CACNA2D3: variants seen among roughly 807,000 people sequenced by gnomAD.
The protein encoded by CACNA2D3 is calcium voltage-gated channel auxiliary subunit alpha2delta 3.
Under a neutral mutation model 160.6 loss-of-function variants are expected in CACNA2D3, and 60 were observed. The observed-to-expected ratio is 0.37, with a 90% confidence interval of 0.30 to 0.46. The LOEUF is 0.46. Among genes scored for constraint, CACNA2D3 ranks in the 20% least tolerant of loss-of-function variants. CACNA2D3 has a pLI of 1.00. For synonymous variants in CACNA2D3, 558 were observed against 492.9 expected, an observed-to-expected ratio of 1.13 and a Z score of -1.75; for missense variants, 1,205 against 1,365.0, an observed-to-expected ratio of 0.88 and a Z score of 1.85.
chr3:54,138,099 A>G (rs1699852387), intron 2 of CACNA2D3, among the ~76,000 whole-genome samples: 1 of 152,198 alleles, frequency 6.6e-6, no homozygotes, highest in Non-Finnish European at 1.5e-5. Flanking sequence ...TTTCCAGAGG[A>G]AGACATGAGT....
At position 54,375,285 on chromosome 3, in the gene CACNA2D3, C is replaced by T. The variant is rs141097913; in HGVS notation, c.322-11430C>T. ...TGGACTCTAATGTCCTTGAAGACAA[C>T]AGCTGTGTCTTATAAACCTTATATT... is the stretch of plus-strand genomic sequence containing the variant. On this transcript the variant is annotated intron_variant, in intron 3 of 37. Transcript: ENST00000474759. Among the ~76,000 whole-genome samples the T allele has an allele frequency of 2.5e-3, 387 of 152,322 alleles. 4 individuals carry two copies. The highest frequency in any genetic ancestry group is 8.5e-3 in the African/African-American group (352 of 41,556).
chr3:54,538,108 A>G (rs755792547), intron 5 of CACNA2D3, among the ~76,000 whole-genome samples: 3 of 152,104 alleles, frequency 2.0e-5, no homozygotes, highest in Non-Finnish European at 4.4e-5. Context: ...ACCTGCTGAG[A>G]ACCAGCTTCA....
At chr3:55,042,360 C>T (rs1308637268) in intron 35 of CACNA2D3, among the ~76,000 whole-genome samples, 1 of 151,984 alleles carries the variant, frequency 6.6e-6, no homozygotes, top group Admixed American at 6.6e-5. Flanking sequence ...ATTTTTATGT[C>T]TTCTTGGTTA....
At chr3:54,456,496 C>T (rs1039395184) in intron 4 of CACNA2D3, among the ~76,000 whole-genome samples, 4 of 151,694 alleles carry the variant, frequency 2.6e-5, no homozygotes, top group African/African-American at 7.3e-5. Context: ...TATATAAGAT[C>T]ATCTGCAAAC....
chr3:54,480,231 C>T (rs1193191392), intron 4 of CACNA2D3, among the ~76,000 whole-genome samples: 1 of 152,144 alleles, frequency 6.6e-6, no homozygotes, highest in Non-Finnish European at 1.5e-5. Flanking sequence ...AGGTGTGCTA[C>T]AGGTGTTCCT....
intron 14 of CACNA2D3, among the ~76,000 whole-genome samples, chr3:54,823,399 G>C (rs1195787662): frequency 6.6e-6 from 1 of 150,992 alleles, no homozygotes; most frequent in Non-Finnish European, 1.5e-5. Context: ...TTTTTTTTTA[G>C]CTTTTACACT....
intron 9 of CACNA2D3, among the ~76,000 whole-genome samples, chr3:54,607,913 A>C (rs1698669199): frequency 6.6e-6 from 1 of 152,218 alleles, no homozygotes; most frequent in African/African-American, 2.4e-5. Flanking sequence ...CAGTCTCAAA[A>C]AGTTACATAC....
chr3:54,491,350 C>T (rs576491988), intron 4 of CACNA2D3, among the ~76,000 whole-genome samples: 5 of 152,212 alleles, frequency 3.3e-5, no homozygotes, highest in Non-Finnish European at 5.9e-5. Context: ...AGGAAACAAG[C>T]CCTTTGCGGT....
At chr3:54,505,645 A>G (rs1032515873) in intron 5 of CACNA2D3, among the ~76,000 whole-genome samples, 4 of 152,220 alleles carry the variant, frequency 2.6e-5, no homozygotes, top group African/African-American at 4.8e-5. Context: ...TTGGCATTCA[A>G]TATATTCCCA....
chr3:54,661,012 G>A (rs763032669), intron 11 of CACNA2D3, among the ~76,000 whole-genome samples: 6 of 152,204 alleles, frequency 3.9e-5, no homozygotes, highest in Non-Finnish European at 5.9e-5. Context: ...GAATCCTGCT[G>A]CCTGCCGCTT....
chr3:54,480,044 C>G (rs1421148680), intron 4 of CACNA2D3, among the ~76,000 whole-genome samples: 1 of 152,098 alleles, frequency 6.6e-6, no homozygotes, highest in African/African-American at 2.4e-5. Context: ...TGTGCCTGCA[C>G]ATGCTCACAC....
intron 4 of CACNA2D3, among the ~76,000 whole-genome samples, chr3:54,420,576 C>G (rs1242610436): frequency 6.6e-6 from 1 of 152,188 alleles, no homozygotes; most frequent in Non-Finnish European, 1.5e-5. Context: ...AGAGGAGTTA[C>G]AGAACCTTGG....
intron 35 of CACNA2D3, among the ~76,000 whole-genome samples, chr3:55,060,148 A>G (rs922153019): frequency 2.0e-5 from 3 of 152,116 alleles, no homozygotes; most frequent in African/African-American, 4.8e-5. Flanking sequence ...CCATATCAGT[A>G]TGATGGGTGA....
chr3:54,210,371 C>G (rs1044625199), intron 2 of CACNA2D3, among the ~76,000 whole-genome samples: 17 of 151,928 alleles, frequency 1.1e-4, no homozygotes, highest in African/African-American at 4.1e-4. Flanking sequence ...AGTGTACTTC[C>G]TTGTAGGGAA....
At chr3:54,847,811 C>G (rs896086944) in intron 17 of CACNA2D3, among the ~76,000 whole-genome samples, 16 of 152,144 alleles carry the variant, frequency 1.1e-4, no homozygotes, top group African/African-American at 3.6e-4. Flanking sequence ...AGCACATTAC[C>G]CATCTCCAGG....
intron 35 of CACNA2D3, among the ~76,000 whole-genome samples, chr3:55,026,301 T>C (rs1703562176): frequency 6.6e-6 from 1 of 152,140 alleles, no homozygotes; most frequent in African/African-American, 2.4e-5. Context: ...GAAAACAAAT[T>C]AGGGTCATAG....
chr3:54,333,760 C>G (rs1704318267), intron 3 of CACNA2D3, among the ~76,000 whole-genome samples: 1 of 152,222 alleles, frequency 6.6e-6, no homozygotes. Context: ...TGGACCAGTT[C>G]AGGATTGTCC....
intron 5 of CACNA2D3, among the ~76,000 whole-genome samples, chr3:54,551,593 A>G (rs894045260): frequency 1.3e-5 from 2 of 152,170 alleles, no homozygotes; most frequent in South Asian, 2.1e-4. Context: ...ATTTGTTTCC[A>G]AAAGGGGTCC....
intron 13 of CACNA2D3, among the ~76,000 whole-genome samples, chr3:54,805,613 T>C (rs1703100845): frequency 6.6e-6 from 1 of 152,184 alleles, no homozygotes; most frequent in African/African-American, 2.4e-5. Flanking sequence ...AGCCGAATTC[T>C]ACCAGAGGTA....
Sources: allele counts gnomAD v4.1 joint callset (sites outside exome capture counted in the v4.1 genomes callset), GRCh38; gene constraint gnomAD v4.1.1; transcripts MANE v1.5; gene names NCBI Gene and HGNC (gene_info 2026-07-23, HGNC 2026-07-21).